RFTN2: variants seen among roughly 807,000 people sequenced by gnomAD.
The protein encoded by RFTN2 is raftlin-2.
In RFTN2, 34 loss-of-function variants were observed where a neutral mutation model predicts 52.7. The ratio of observed to expected loss-of-function variants is 0.64; its 90% CI spans 0.49 to 0.86. The LOEUF (loss-of-function observed/expected upper bound fraction) is 0.86, where lower values mean the gene tolerates loss of function less well. Ranked by LOEUF, RFTN2 falls within the 40% of genes least tolerant of loss-of-function variation. RFTN2 has a pLI of 0.00. For missense variants in RFTN2, 536 were observed against 600.1 expected (o/e 0.89, Z 1.12); for synonymous variants, 203 against 217.7 (o/e 0.93, Z 0.59).
At chr2:197,658,183 T>A (rs1298591043) in intron 1 of RFTN2, among the ~76,000 whole-genome samples, 1 of 151,910 alleles carries the variant, frequency 6.6e-6, no homozygotes, top group Non-Finnish European at 1.5e-5. Flanking sequence ...AAAAATATTT[T>A]TTTTTTTTTT....
intron 1 of RFTN2, among the ~76,000 whole-genome samples, chr2:197,660,845 C>A (rs1304111567): frequency 1.3e-5 from 2 of 152,150 alleles, no homozygotes; most frequent in Non-Finnish European, 2.9e-5. Context: ...AGGTGTGAGC[C>A]ACTGCGCCCG....
At chr2:197,577,244 T>C (rs993423098) in intron 8 of RFTN2, among the ~76,000 whole-genome samples, 1 of 152,158 alleles carries the variant, frequency 6.6e-6, no homozygotes, top group Non-Finnish European at 1.5e-5. Context: ...GAATGTGTCC[T>C]TAACCTTGGC....
Position 197,666,395 on chromosome 2 carries a change from G to A in RFTN2, c.139+8925C>T, listed in dbSNP as rs533718589. On this transcript the variant is annotated intron_variant, in intron 1 of 8. Coordinates refer to ENST00000295049, the MANE Select transcript of RFTN2 (RefSeq NM_144629.3). ...CCAGCCCTATTTCTCCATTTATGAG[G>A]CTAATTTTGCTGGATGTAGTATCCT... 3.9e-5 allele frequency among the ~76,000 whole-genome samples: 6 copies of A among 152,284 alleles called. No homozygotes were observed. The East Asian group carries it at 1.2e-3, about 29-fold the overall frequency.
intron 1 of RFTN2, among the ~76,000 whole-genome samples, chr2:197,647,379 T>A (rs938603067): frequency 2.6e-5 from 4 of 151,984 alleles, no homozygotes; most frequent in African/African-American, 9.7e-5. Flanking sequence ...CCGGCTGAGT[T>A]TTGTATTTTT....
At chr2:197,605,225 GTT>G (rs879719344) in intron 7 of RFTN2, among the ~76,000 whole-genome samples, 1 of 145,834 alleles carries the variant, frequency 6.9e-6, no homozygotes. Context: ...AATTTGTTGG[GTT>G]TTTTTTTTTG....
intron 5 of RFTN2, among the ~76,000 whole-genome samples, chr2:197,623,820 A>G (rs1313479926): frequency 1.3e-5 from 2 of 152,032 alleles, no homozygotes; most frequent in Non-Finnish European, 2.9e-5. Flanking sequence ...GCGTGTCACT[A>G]CGTCTGGCTA....
At chr2:197,610,004 G>A (rs969399536) in intron 7 of RFTN2, among the ~76,000 whole-genome samples, 1 of 152,190 alleles carries the variant, frequency 6.6e-6, no homozygotes, top group Non-Finnish European at 1.5e-5. Context: ...GTACCATGCT[G>A]TTTTGGTTAC....
At chr2:197,637,188 G>C (rs945098589) in intron 3 of RFTN2, among the ~76,000 whole-genome samples, 2 of 151,302 alleles carry the variant, frequency 1.3e-5, no homozygotes, top group African/African-American at 4.9e-5. Context: ...CAAGGATATT[G>C]GTCTAAAATT....
Position 197,568,353 on chromosome 2 carries a change from A to T in RFTN2, c.*3655T>A, listed in dbSNP as rs933855831. 3 of 152,204 alleles carry T rather than the reference A, an allele frequency of 2.0e-5. No individual in the cohort carries two copies. The highest frequency in any genetic ancestry group is 2.0e-4 in the Admixed American group (3 of 15,278). 9.4% of individuals were successfully genotyped at this position (152,204 alleles called of 1,614,324 possible). ...TTGCAGTCGTCTTCACCAAAACTTT[A>T]TGAACCTCATCAAAACTGAGGCTCA... On this transcript the variant is annotated 3_prime_UTR_variant, in exon 9 of 9. Transcript: ENST00000295049.
chr2:197,659,722 C>T (rs560981684), intron 1 of RFTN2, among the ~76,000 whole-genome samples: 1 of 151,982 alleles, frequency 6.6e-6, no homozygotes, highest in African/African-American at 2.4e-5. Context: ...GAGGCTGAGG[C>T]AGGAGAATTG....
intron 1 of RFTN2, among the ~76,000 whole-genome samples, chr2:197,660,587 C>CT (rs1324442280): frequency 0.011 from 1,542 of 144,884 alleles, 17 homozygotes; most frequent in African/African-American, 0.036. Flanking sequence ...TTTTCTTTTT[C>CT]TTTTTTTTTT....
intron 5 of RFTN2, among the ~76,000 whole-genome samples, chr2:197,626,267 A>G (rs1255805395): frequency 2.0e-5 from 3 of 152,094 alleles, no homozygotes; most frequent in Non-Finnish European, 2.9e-5. Flanking sequence ...CTTCATATGT[A>G]AAAGGAGAAT....
intron 1 of RFTN2, among the ~76,000 whole-genome samples, chr2:197,651,388 G>C (rs906858058): frequency 6.6e-6 from 1 of 152,194 alleles, no homozygotes; most frequent in Non-Finnish European, 1.5e-5. Context: ...AATGGCCAGA[G>C]CGGGTGGATC....
At chr2:197,600,511 G>A (rs1432471883) in intron 7 of RFTN2, among the ~76,000 whole-genome samples, 4 of 152,194 alleles carry the variant, frequency 2.6e-5, no homozygotes, top group South Asian at 2.1e-4. Context: ...CTCTAATCAC[G>A]GTAGACCTAA....
chr2:197,575,671 G>A (rs1285322292), intron 8 of RFTN2, among the ~76,000 whole-genome samples: 1 of 147,204 alleles, frequency 6.8e-6, no homozygotes, highest in African/African-American at 2.5e-5. Flanking sequence ...AGGCTGAAAT[G>A]GGAGGATTAC....
chr2:197,644,652 C>A (rs1046446094), intron 2 of RFTN2, among the ~76,000 whole-genome samples: 1 of 152,020 alleles, frequency 6.6e-6, no homozygotes, highest in Non-Finnish European at 1.5e-5. Flanking sequence ...CTTTTCTGAT[C>A]TTTTTTCTTT....
chr2:197,619,741 A>T (rs927871998), intron 5 of RFTN2, among the ~76,000 whole-genome samples: 5 of 64,724 alleles, frequency 7.7e-5, no homozygotes, highest in South Asian at 6.6e-4. Flanking sequence ...ATGATCAATT[A>T]AAAAAAAAAA....
intron 8 of RFTN2, chr2:197,588,134 A>T: frequency 2.5e-6 from 1 of 407,998 alleles, no homozygotes; most frequent in South Asian, 1.9e-5. Flanking sequence ...ACAAAAACAA[A>T]GAAAAAAGCA....
At chr2:197,595,089 T>C (rs1228776413) in intron 8 of RFTN2, among the ~76,000 whole-genome samples, 1 of 152,244 alleles carries the variant, frequency 6.6e-6, no homozygotes, top group Non-Finnish European at 1.5e-5. Flanking sequence ...CATTCAATCA[T>C]TGTATTCCAG....
Sources: gnomAD v4.1 joint callset for allele counts (sites outside exome capture counted in the v4.1 genomes callset) on GRCh38, gnomAD v4.1.1 for gene constraint, MANE v1.5 for transcripts, NCBI Gene and HGNC (gene_info 2026-07-23, HGNC 2026-07-21) for gene names.